The following CNTLN variants were observed in gnomAD, a reference collection of about 807,000 sequenced individuals.
The protein encoded by CNTLN is centlein, centrosomal protein.
Under a neutral mutation model 180.0 loss-of-function variants are expected in CNTLN, and 212 were observed. The ratio of observed to expected loss-of-function variants is 1.18; its 90% confidence interval spans 1.05 to 1.32. CNTLN has a LOEUF of 1.32. Ranked by LOEUF, CNTLN falls within the 40% of genes most tolerant of loss-of-function variation. The pLI is 0.00. For missense variants in CNTLN, 2,095 were observed against 1,610.9 expected (o/e 1.30, Z -5.14); for synonymous variants, 722 against 563.1 (o/e 1.28, Z -3.99).
At position 17,332,731 on chromosome 9, in the gene CNTLN, G is replaced by A. The variant is rs963643819; in HGVS notation, c.1644+1G>A. The A allele has an allele frequency of 2.5e-5, 40 of 1,583,010 alleles. No individual in the cohort carries two copies. The highest frequency in any genetic ancestry group is 2.8e-5 in the Non-Finnish European group (33 of 1,168,818). Reference sequence around the variant, plus strand: ...CTTAGAGAAGGCACTACAACTAAAGGTGAACATTAAATCATTTCTTTAGTA... The same window carrying A: ...CTTAGAGAAGGCACTACAACTAAAGATGAACATTAAATCATTTCTTTAGTA... On this transcript the variant is annotated splice_donor_variant, in intron 10 of 25. Coordinates refer to ENST00000380647, the MANE Select transcript of CNTLN (RefSeq NM_017738.4). LOFTEE classifies it high-confidence loss of function.
chr9:17,341,745 G>T (rs1821496746), intron 11 of CNTLN, among the ~76,000 whole-genome samples: 1 of 152,138 alleles, frequency 6.6e-6, no homozygotes, highest in African/African-American at 2.4e-5. Flanking sequence ...AAGGGCATTT[G>T]GCATCACTTG....
At chr9:17,135,593 G>T (rs1275290396) in intron 1 of CNTLN, among the ~76,000 whole-genome samples, 168 bp downstream of exon 1, 2 of 152,152 alleles carry the variant, frequency 1.3e-5, no homozygotes, top group South Asian at 2.1e-4. Flanking sequence ...ACGCGGCTGC[G>T]CCCGGCTCCC....
chr9:17,358,371 G>T (rs1823018461), intron 12 of CNTLN, among the ~76,000 whole-genome samples: 1 of 152,038 alleles, frequency 6.6e-6, no homozygotes, highest in Non-Finnish European at 1.5e-5. Context: ...TTGAATAACA[G>T]TATATATACT....
intron 7 of CNTLN, among the ~76,000 whole-genome samples, chr9:17,305,630 G>T (rs745470478): frequency 2.0e-5 from 3 of 151,846 alleles, no homozygotes; most frequent in Non-Finnish European, 2.9e-5. Context: ...ATCTCCTAGA[G>T]AATTAAACAT....
chr9:17,246,244 C>T (rs1825789977), intron 5 of CNTLN, among the ~76,000 whole-genome samples: 1 of 152,082 alleles, frequency 6.6e-6, no homozygotes, highest in Non-Finnish European at 1.5e-5. Context: ...TCATTGTAGC[C>T]TTATCTGCAT....
chr9:17,440,588 C>CAAAAAAAAAAAAAAAAAAAAAAAAAA (rs35350865), intron 18 of CNTLN, among the ~76,000 whole-genome samples: 3 of 114,662 alleles, frequency 2.6e-5, no homozygotes, highest in African/African-American at 1.1e-4. Flanking sequence ...GACTCCGTCT[C>CAAAAAAAAAAAAAAAAAAAAAAAAAA]AAAAAAAAAA....
Position 17,340,836 on chromosome 9 carries a change from A to G in CNTLN, c.1654A>G (p.Asn552Asp). 6.2e-7 allele frequency: 1 copy of G among 1,610,400 alleles called. No homozygotes were observed. The highest frequency in any genetic ancestry group is 8.5e-7 in the Non-Finnish European group (1 of 1,178,192). The change falls in exon 11 of 26, where the codon AAT (asparagine) becomes GAT (aspartate). Residue 552 changes from asparagine (N) to aspartate (D), a missense_variant. Asn to Asp is a conservative substitution (Grantham distance 23). Coordinates refer to ENST00000380647, the MANE Select transcript of CNTLN (RefSeq NM_017738.4). ...TTTTTGTGTTCTACAGAGCCAAGAA[A>G]ATGATGAGCTAAGAGATGCCCATGA... ...EKALQLKSQE[N>D]DELRDAHEKR...
Position 17,454,586 on chromosome 9 carries a change from C to T in CNTLN, c.3115-2938C>T, listed in dbSNP as rs144274937. On this transcript the variant is annotated intron_variant, in intron 18 of 25. Transcript: ENST00000380647. ...AGTTTTATTAATCTAGCTCCTCAGC[C>T]TTTAACACGCTTCTCAGACACTATG... 1.8e-3 allele frequency among the ~76,000 whole-genome samples: 279 copies of T among 152,300 alleles called. 1 individual carries two copies. The highest frequency in any genetic ancestry group is 6.0e-3 in the African/African-American group (251 of 41,568).
intron 2 of CNTLN, among the ~76,000 whole-genome samples, chr9:17,190,619 G>A (rs1473030165): frequency 6.6e-6 from 1 of 152,012 alleles, no homozygotes; most frequent in African/African-American, 2.4e-5. Flanking sequence ...TTTATATCTG[G>A]AATTTCTTAG....
chr9:17,306,146 A>ATTTTTTTT (rs572150057), intron 7 of CNTLN, among the ~76,000 whole-genome samples: 11 of 128,000 alleles, frequency 8.6e-5, no homozygotes, highest in East Asian at 2.4e-4. Flanking sequence ...TTAGTCGTCT[A>ATTTTTTTT]TTTTTTTTTT....
At chr9:17,247,312 G>A (rs905217419) in intron 5 of CNTLN, among the ~76,000 whole-genome samples, 3 of 152,100 alleles carry the variant, frequency 2.0e-5, no homozygotes, top group Non-Finnish European at 1.5e-5. Flanking sequence ...TCCAACTGCT[G>A]GGTTGGGAGA....
At chr9:17,160,563 GTCCTTA>G in intron 2 of CNTLN, among the ~76,000 whole-genome samples, 1 of 152,076 alleles carries the variant, frequency 6.6e-6, no homozygotes, top group South Asian at 2.1e-4. Flanking sequence ...ATTCCTCTGT[GTCCTTA>G]ACTTTCAAAT....
chr9:17,500,441 T>C (rs2180903), intron 25 of CNTLN, among the ~76,000 whole-genome samples: 143,824 of 152,260 alleles, frequency 0.94, 68,194 homozygotes, highest in Middle Eastern at 1. Context: ...TGCCAACACA[T>C]TGTGGACTGG....
At chr9:17,244,213 T>C (rs956364768) in intron 5 of CNTLN, among the ~76,000 whole-genome samples, 5 of 131,134 alleles carry the variant, frequency 3.8e-5, no homozygotes, top group African/African-American at 1.6e-4. Context: ...TAGGTTTTTG[T>C]TTTTGTTTTT....
intron 2 of CNTLN, among the ~76,000 whole-genome samples, chr9:17,190,891 T>A (rs1392120466): frequency 6.6e-6 from 1 of 152,302 alleles, no homozygotes; most frequent in East Asian, 1.9e-4. Context: ...AATGTTGCAA[T>A]TAGTAACTAT....
At chr9:17,249,608 C>T (rs1826018147) in intron 5 of CNTLN, among the ~76,000 whole-genome samples, 1 of 151,984 alleles carries the variant, frequency 6.6e-6, no homozygotes, top group African/African-American at 2.4e-5. Context: ...CTCGGCCCCC[C>T]AAAGTGCTGG....
chr9:17,206,397 C>A (rs1017665997), intron 2 of CNTLN, among the ~76,000 whole-genome samples: 9 of 152,136 alleles, frequency 5.9e-5, no homozygotes, highest in Admixed American at 5.9e-4. Context: ...TGTTGTGTTG[C>A]AAAATCGGAT....
intron 13 of CNTLN, among the ~76,000 whole-genome samples, chr9:17,373,027 A>G (rs568473155): frequency 1.3e-5 from 2 of 152,324 alleles, no homozygotes; most frequent in Admixed American, 1.3e-4. Context: ...TGGTTATCAT[A>G]TTGAATCAGG....
chr9:17,176,020 A>G (rs1486590435), intron 2 of CNTLN, among the ~76,000 whole-genome samples: 1 of 148,160 alleles, frequency 6.7e-6, no homozygotes, highest in Non-Finnish European at 1.5e-5. Flanking sequence ...TTAATTATCT[A>G]TTGTAATTAT....
Sources: allele counts gnomAD v4.1 joint callset (sites outside exome capture counted in the v4.1 genomes callset), GRCh38; gene constraint gnomAD v4.1.1; transcripts MANE v1.5; gene names NCBI Gene and HGNC (gene_info 2026-07-23, HGNC 2026-07-21).